Variants in L3MBTL4 observed in about 807,000 individuals in gnomAD.
L3MBTL4 encodes lethal(3)malignant brain tumor-like protein 4.
In L3MBTL4, 70 loss-of-function variants were observed where a neutral mutation model predicts 84.5. That is an observed-to-expected ratio of 0.83 (90% confidence interval 0.68 to 1.01). L3MBTL4 has a LOEUF of 1.01. Among genes scored for constraint, L3MBTL4 ranks in the 50% least tolerant of loss-of-function variants. The pLI is 0.00. For missense variants in L3MBTL4, 715 were observed against 754.8 expected, an observed-to-expected ratio of 0.95 and a Z score of 0.62; for synonymous variants, 274 against 259.8, an observed-to-expected ratio of 1.05 and a Z score of -0.52.
chr18:6,397,274 A>T (rs1249530278), intron 1 of L3MBTL4: 2 of 152,232 alleles, frequency 1.3e-5, no homozygotes, highest in Non-Finnish European at 2.9e-5. Context: ...AAATAAGCAC[A>T]TTATCTTATT....
At chr18:6,160,217 GGA>G (rs2043268157) in intron 13 of L3MBTL4, among the ~76,000 whole-genome samples, 1 of 152,200 alleles carries the variant, frequency 6.6e-6, no homozygotes, top group African/African-American at 2.4e-5. Flanking sequence ...CCACCCTAGG[GGA>G]TCTCCTGGAT....
chr18:6,156,966 A>G (rs913023440), intron 13 of L3MBTL4, among the ~76,000 whole-genome samples: 2 of 152,238 alleles, frequency 1.3e-5, no homozygotes, highest in Non-Finnish European at 2.9e-5. Flanking sequence ...AATCAAGTAA[A>G]TGGATTCTGC....
At chr18:6,076,595 A>C (rs531897648) in intron 16 of L3MBTL4, among the ~76,000 whole-genome samples, 1 of 152,276 alleles carries the variant, frequency 6.6e-6, no homozygotes, top group African/African-American at 2.4e-5. Flanking sequence ...ACTGACTTAG[A>C]AAGGTAACCA....
At chr18:6,160,158 G>T (rs2043264453) in intron 13 of L3MBTL4, among the ~76,000 whole-genome samples, 1 of 152,180 alleles carries the variant, frequency 6.6e-6, no homozygotes, top group Non-Finnish European at 1.5e-5. Context: ...ACCTGCAAGA[G>T]CTACAGAGGT....
chr18:5,985,612 C>A (rs1392301952), intron 16 of L3MBTL4, among the ~76,000 whole-genome samples: 1 of 152,130 alleles, frequency 6.6e-6, no homozygotes, highest in East Asian at 1.9e-4. Flanking sequence ...ACGTTATATT[C>A]CCGAAGGATG....
At chr18:6,246,032 T>A (rs2047650186) in intron 5 of L3MBTL4, among the ~76,000 whole-genome samples, 1 of 152,236 alleles carries the variant, frequency 6.6e-6, no homozygotes, top group South Asian at 2.1e-4. Flanking sequence ...GCGTTTTGAA[T>A]AGTCCATACT....
At chr18:6,253,146 G>A (rs2047999231) in intron 5 of L3MBTL4, among the ~76,000 whole-genome samples, 1 of 152,168 alleles carries the variant, frequency 6.6e-6, no homozygotes, top group Admixed American at 6.5e-5. Flanking sequence ...AGGTTGCAAT[G>A]AGCCAAGATC....
At chr18:6,050,455 C>A (rs2056798724) in intron 16 of L3MBTL4, among the ~76,000 whole-genome samples, 1 of 152,094 alleles carries the variant, frequency 6.6e-6, no homozygotes, top group African/African-American at 2.4e-5. Context: ...TTAATAAATT[C>A]ACTGTGTAAT....
chr18:6,040,804 C>T lies in L3MBTL4; in HGVS notation c.1444+40077G>A, dbSNP rs942443693. Among the ~76,000 whole-genome samples, 5 of 152,142 alleles carry T rather than the reference C, an allele frequency of 3.3e-5. No individual in the cohort carries two copies. In the East Asian group the frequency reaches 9.7e-4, roughly 29 times the overall value. ...CATCCTATTCTTGGCTCCACTCGAC[C>T]CTTATCCTGCCATTCCCATGGCTGG... On this transcript the variant is annotated intron_variant, in intron 16 of 18. Coordinates refer to ENST00000317931, the MANE Select transcript of L3MBTL4 (RefSeq NM_001330559.2).
intron 1 of L3MBTL4, among the ~76,000 whole-genome samples, chr18:6,327,748 C>A (rs2051803436): frequency 6.6e-6 from 1 of 152,110 alleles, no homozygotes; most frequent in Non-Finnish European, 1.5e-5. Flanking sequence ...ATCTGGACAG[C>A]CAGCGTAGAG....
intron 16 of L3MBTL4, among the ~76,000 whole-genome samples, chr18:5,973,631 T>C (rs764280920): frequency 6.6e-6 from 1 of 152,236 alleles, no homozygotes; most frequent in African/African-American, 2.4e-5. Flanking sequence ...GATGAAGGCA[T>C]AGACCGTTTC....
intron 16 of L3MBTL4, among the ~76,000 whole-genome samples, chr18:6,045,032 C>T (rs1229988823): frequency 1.3e-5 from 2 of 152,168 alleles, no homozygotes; most frequent in African/African-American, 4.8e-5. Context: ...TCCTTTTTTC[C>T]TTCCTTTCTC....
intron 16 of L3MBTL4, among the ~76,000 whole-genome samples, chr18:6,044,841 A>C (rs2056546502): frequency 6.6e-6 from 1 of 152,110 alleles, no homozygotes. Flanking sequence ...AAGACCATAG[A>C]ATTTTGCTTT....
At chr18:6,040,836 G>A (rs1322441506) in intron 16 of L3MBTL4, among the ~76,000 whole-genome samples, 1 of 152,124 alleles carries the variant, frequency 6.6e-6, no homozygotes, top group Admixed American at 6.5e-5. Context: ...CTGGCCTTCT[G>A]CTCTCCACTC....
intron 1 of L3MBTL4, among the ~76,000 whole-genome samples, chr18:6,327,604 C>T (rs747123049): frequency 3.9e-5 from 6 of 152,096 alleles, no homozygotes; most frequent in South Asian, 2.1e-4. Context: ...AGGAGACCAA[C>T]GACAGCATAG....
chr18:6,206,371 T>G (rs2045876572), intron 12 of L3MBTL4, among the ~76,000 whole-genome samples: 1 of 152,194 alleles, frequency 6.6e-6, no homozygotes, highest in African/African-American at 2.4e-5. Context: ...GTGTTGTGCA[T>G]AGAAAACTGT....
intron 1 of L3MBTL4, chr18:6,394,780 C>T (rs762966439): frequency 6.6e-6 from 1 of 151,922 alleles, no homozygotes. Context: ...AAAGAGAGAT[C>T]CCACCTCACC....
intron 1 of L3MBTL4, among the ~76,000 whole-genome samples, chr18:6,362,610 A>T (rs977719682): frequency 6.6e-6 from 1 of 152,230 alleles, no homozygotes; most frequent in African/African-American, 2.4e-5. Flanking sequence ...TCTTGCCACA[A>T]ATCACAACAC....
chr18:6,077,853 A>AC (rs1479702217), intron 16 of L3MBTL4, among the ~76,000 whole-genome samples: 3 of 151,694 alleles, frequency 2.0e-5, no homozygotes, highest in Non-Finnish European at 2.9e-5. Flanking sequence ...ACATAGTGAA[A>AC]CCCCGTCTCT....
Sources: gnomAD v4.1 joint callset for allele counts (sites outside exome capture counted in the v4.1 genomes callset) on GRCh38, gnomAD v4.1.1 for gene constraint, MANE v1.5 for transcripts, NCBI Gene and HGNC (gene_info 2026-07-23, HGNC 2026-07-21) for gene names.